The following CCM2 variants were observed in gnomAD, a reference collection of about 807,000 sequenced individuals.
The protein encoded by CCM2 is cerebral cavernous malformations 2 protein.
Under a neutral mutation model 44.9 loss-of-function variants are expected in CCM2, and 25 were observed. The observed-to-expected ratio is 0.56, with a 90% CI of 0.41 to 0.78. The LOEUF (loss-of-function observed/expected upper bound fraction) is 0.78, where lower values mean the gene tolerates loss of function less well. Ranked by LOEUF, CCM2 falls within the 30% of genes least tolerant of loss-of-function variation. The probability of loss-of-function intolerance (pLI) is 0.00; values close to 1 mark genes in which losing one functional copy is unlikely to be tolerated. For missense variants in CCM2, 481 were observed against 580.6 expected (o/e 0.83, Z 1.76); for synonymous variants, 219 against 241.1 (o/e 0.91, Z 0.85).
intron 2 of CCM2, chr7:45,062,955 G>C (rs1378036667): frequency 6.6e-6 from 1 of 152,214 alleles, no homozygotes; most frequent in Non-Finnish European, 1.5e-5. Flanking sequence ...GGAGAGGGAA[G>C]GGGGTCAAAT....
At chr7:45,006,875 AAGTTT>A (rs1407293391) in intron 1 of CCM2, among the ~76,000 whole-genome samples, 1 of 152,192 alleles carries the variant, frequency 6.6e-6, no homozygotes, top group Non-Finnish European at 1.5e-5. Flanking sequence ...CTAAGAGAAT[AAGTTT>A]CTATTATTGA....
chr7:45,014,429 G>A (rs937103310), intron 1 of CCM2, among the ~76,000 whole-genome samples: 6 of 151,424 alleles, frequency 4.0e-5, no homozygotes, highest in Admixed American at 2.0e-4. Context: ...ATGAACCACC[G>A]CGCCCGGCCT....
intron 2 of CCM2, among the ~76,000 whole-genome samples, chr7:45,053,075 C>CTT (rs796241057): frequency 1.2e-3 from 188 of 152,328 alleles, no homozygotes; most frequent in African/African-American, 4.4e-3. Context: ...CCTGGCTGGG[C>CTT]TTCATGTATT....
chr7:45,058,159 C>G (rs1798350983), intron 2 of CCM2, among the ~76,000 whole-genome samples: 1 of 152,202 alleles, frequency 6.6e-6, no homozygotes, highest in Admixed American at 6.5e-5. Context: ...AGACAGTTTC[C>G]CAACCTTTAT....
chr7:45,065,054 C>G (rs1798706367), intron 4 of CCM2, among the ~76,000 whole-genome samples: 1 of 152,182 alleles, frequency 6.6e-6, no homozygotes, highest in Non-Finnish European at 1.5e-5. Context: ...GTCCTCAAAC[C>G]TGGGACAGAA....
At chr7:45,029,002 A>T (rs534353909) in intron 1 of CCM2, among the ~76,000 whole-genome samples, 1 of 152,152 alleles carries the variant, frequency 6.6e-6, no homozygotes, top group African/African-American at 2.4e-5. Flanking sequence ...ATAGCCTATC[A>T]CTGTCCAGCT....
intron 2 of CCM2, among the ~76,000 whole-genome samples, chr7:45,048,965 T>C (rs888503420): frequency 6.6e-6 from 1 of 152,200 alleles, no homozygotes; most frequent in African/African-American, 2.4e-5. Context: ...AGATTTGTTA[T>C]TATTTTTTGA....
At chr7:45,073,158 G>C in intron 7 of CCM2, 1 of 572,912 alleles carries the variant, frequency 1.7e-6, no homozygotes, top group Admixed American at 3.0e-5. Context: ...CTCCATTCCT[G>C]CCACCTCCCC....
chr7:45,001,848 A>G (rs1205492908), intron 1 of CCM2, among the ~76,000 whole-genome samples: 1 of 152,254 alleles, frequency 6.6e-6, no homozygotes, highest in Non-Finnish European at 1.5e-5. Context: ...TTGGGTAATG[A>G]AAAAATTTAG....
intron 5 of CCM2, among the ~76,000 whole-genome samples, chr7:45,069,228 A>G (rs1308148186): frequency 1.3e-5 from 2 of 152,212 alleles, no homozygotes; most frequent in Non-Finnish European, 1.5e-5. Flanking sequence ...TGTTGGTGCT[A>G]CTGTCATTTT....
At chr7:45,074,233 T>C (rs756971672) in intron 8 of CCM2, 37 bp from the exon 9 acceptor site, 17 of 1,612,886 alleles carry the variant, frequency 1.1e-5, no homozygotes, top group Non-Finnish European at 1.4e-5. Flanking sequence ...TCTTGCCTAC[T>C]GTGCCCAGCC....
chr7:45,035,186 G>GT (rs1249294418), intron 1 of CCM2, among the ~76,000 whole-genome samples: 2 of 152,196 alleles, frequency 1.3e-5, no homozygotes, highest in Non-Finnish European at 2.9e-5. Context: ...GGATCATCTT[G>GT]TAAGGATGTT....
Position 45,007,100 on chromosome 7 carries a change from T to C in CCM2, c.30+6737T>C, listed in dbSNP as rs995248986. On this transcript the variant is annotated intron_variant, in intron 1 of 9. Coordinates refer to ENST00000258781, the MANE Select transcript of CCM2 (RefSeq NM_031443.4). ...TCTGGGGTGAGTTCTGAGGACCAAG[T>C]CTACACTGTCAACATGGCCACGGAC... Among the ~76,000 whole-genome samples, 4 of 152,286 alleles carry C rather than the reference T, an allele frequency of 2.6e-5. No individual in the cohort carries two copies. The East Asian group carries it at 7.7e-4, about 29-fold the overall frequency.
intron 1 of CCM2, among the ~76,000 whole-genome samples, chr7:45,025,539 T>C (rs1287344105): frequency 6.6e-6 from 1 of 150,794 alleles, no homozygotes; most frequent in Non-Finnish European, 1.5e-5. Flanking sequence ...TTTTTCTTTT[T>C]TTTTTTTTTT....
Position 45,018,119 on chromosome 7 carries a change from C to T in CCM2, c.30+17756C>T, listed in dbSNP as rs1204377289. Among the ~76,000 whole-genome samples, 5 of 152,098 alleles carry T rather than the reference C, an allele frequency of 3.3e-5. 1 individual carries two copies. The highest frequency in any genetic ancestry group is 7.2e-5 in the African/African-American group (3 of 41,400). On this transcript the variant is annotated intron_variant, in intron 1 of 9. Coordinates refer to ENST00000258781, the MANE Select transcript of CCM2 (RefSeq NM_031443.4). The stretch of plus-strand genomic sequence containing the variant: ...TCTAAGGAGTGCGTAACCTAGATCC[C>T]TCCAACACACAGTTCAGGGTTTGTA...
Position 45,000,325 on chromosome 7 carries a change from C to G in CCM2, c.-9C>G. 3 of 1,277,928 alleles carry G rather than the reference C, an allele frequency of 2.3e-6. No homozygotes were observed. Among genetic ancestry groups the G allele is most frequent in the Non-Finnish European group, 2.0e-6 (2 of 1,004,884 alleles). The allele number at this position is 1,277,928 out of a possible 1,614,324, so 79.2% of individuals were successfully genotyped here. On this transcript the variant is annotated 5_prime_UTR_variant, in exon 1 of 10. Transcript: ENST00000258781. ...GGCCGGGCGGGCCGCGGGAGCCGCA[C>G]GCGGCGATATGGAAGAGGAGGGCAA...
intron 2 of CCM2, among the ~76,000 whole-genome samples, chr7:45,056,531 A>C (rs1175588260): frequency 1.3e-5 from 2 of 152,206 alleles, no homozygotes; most frequent in African/African-American, 4.8e-5. Context: ...AGTGGGTGTG[A>C]AGTGGTATTT....
chr7:45,061,710 C>A (rs1054031963), intron 2 of CCM2, among the ~76,000 whole-genome samples: 5 of 152,112 alleles, frequency 3.3e-5, no homozygotes, highest in Non-Finnish European at 7.4e-5. Flanking sequence ...GTCTCAAACT[C>A]CTGGCCTCAA....
At chr7:45,023,034 C>T (rs889066940) in intron 1 of CCM2, among the ~76,000 whole-genome samples, 4 of 152,136 alleles carry the variant, frequency 2.6e-5, no homozygotes, top group Non-Finnish European at 5.9e-5. Context: ...AGCCACCTCA[C>T]CCTGCAAGTC....
Sources: gnomAD v4.1 joint callset for allele counts (sites outside exome capture counted in the v4.1 genomes callset) on GRCh38, gnomAD v4.1.1 for gene constraint, MANE v1.5 for transcripts, NCBI Gene and HGNC (gene_info 2026-07-23, HGNC 2026-07-21) for gene names.